Variants in KCNG4 observed in about 807,000 individuals in gnomAD.
KCNG4 encodes voltage-gated potassium channel regulatory subunit KCNG4.
Under a neutral mutation model 28.2 loss-of-function variants are expected in KCNG4, and 30 were observed. The ratio of observed to expected loss-of-function variants is 1.06; its 90% confidence interval spans 0.80 to 1.44. KCNG4 has a LOEUF of 1.44. Ranked by LOEUF, KCNG4 falls within the 40% of genes most tolerant of loss-of-function variation. KCNG4 has a pLI of 0.00. For synonymous variants in KCNG4, 375 were observed against 315.5 expected (o/e 1.19, Z -2.00); for missense variants, 879 against 712.3 (o/e 1.23, Z -2.66).
rs147792907 is a variant in KCNG4 at position 84,226,249 on chromosome 16, G to C, written c.757-3229C>G. The stretch of plus-strand genomic sequence containing the variant: ...CGATGAATCCCACAGGCATGATGTG[G>C]AGCAAAGCAAGCCGGGTGTGTGTTT... On this transcript the variant is annotated intron_variant, in intron 2 of 2. Coordinates refer to ENST00000308251, the MANE Select transcript of KCNG4 (RefSeq NM_172347.3). This position sits in a 1 kb window ranked among gnomAD's most constrained non-coding sequence, Gnocchi z 4.1. Among the ~76,000 whole-genome samples the C allele has an allele frequency of 6.6e-6, 1 of 152,206 alleles. No individual in the cohort carries two copies. Among genetic ancestry groups the C allele is most frequent in the Non-Finnish European group, 1.5e-5 (1 of 68,046 alleles).
chr16:84,234,642 G>A (rs12931730), intron 2 of KCNG4, among the ~76,000 whole-genome samples: 29,446 of 152,086 alleles, frequency 0.19, 3,050 homozygotes, highest in East Asian at 0.35. Flanking sequence ...ATAGCCCTGG[G>A]ATCTGTTCCC....
chr16:84,239,592 G>T (rs1372409137), intron 1 of KCNG4, 78 bp downstream of exon 1: 2 of 152,236 alleles, frequency 1.3e-5, no homozygotes, highest in East Asian at 3.9e-4. Flanking sequence ...TGCCAAGGAT[G>T]TCTAACAGCG....
At chr16:84,236,082 C>G (rs1904940684) in intron 2 of KCNG4, 1 of 152,242 alleles carries the variant, frequency 6.6e-6, no homozygotes, top group Non-Finnish European at 1.5e-5. Context: ...AGTTTCCCAT[C>G]CAGTGAGACT....
chr16:84,231,446 G>A (rs1904826584), intron 2 of KCNG4, among the ~76,000 whole-genome samples: 1 of 152,212 alleles, frequency 6.6e-6, no homozygotes, highest in Non-Finnish European at 1.5e-5. Context: ...GGGAGGGAAA[G>A]GCAGAGCTGC....
intron 2 of KCNG4, among the ~76,000 whole-genome samples, chr16:84,234,038 C>A (rs1017417694): frequency 2.0e-5 from 3 of 152,202 alleles, no homozygotes; most frequent in Admixed American, 6.5e-5. Context: ...ACGAGCGGCA[C>A]TTAGGAGGCA....
At position 84,219,023 on chromosome 16, in the gene KCNG4, T is replaced by G. The variant is rs1011947397; in HGVS notation, c.*3194A>C. ...TGGGGGCTGATGTGGGTCCCAGACC[T>G]TCCAGTGGCTGTTTAGGCTTTGTCT... On this transcript the variant is annotated 3_prime_UTR_variant, in exon 3 of 3. Transcript: ENST00000308251. 1 of 152,306 alleles carries G rather than the reference T, an allele frequency of 6.6e-6. No individual in the cohort carries two copies. Among genetic ancestry groups the G allele is most frequent in the African/African-American group, 2.4e-5 (1 of 41,480 alleles). 9.4% of individuals were successfully genotyped at this position (152,306 alleles called of 1,614,324 possible).
chr16:84,226,476 G>A lies in KCNG4; in HGVS notation c.757-3456C>T, dbSNP rs1904700708. On this transcript the variant is annotated intron_variant, in intron 2 of 2. Coordinates refer to ENST00000308251, the MANE Select transcript of KCNG4 (RefSeq NM_172347.3). The surrounding 1 kb of genome is among the most constrained non-coding windows in gnomAD (Gnocchi z 4.1). ...ATTAAATTCTACACCTAGGATTTGT[G>A]CATTTCAGTGTATGTACATTTCACC... Among the ~76,000 whole-genome samples the A allele has an allele frequency of 6.6e-6, 1 of 152,160 alleles. No homozygotes were observed. The highest frequency in any genetic ancestry group is 1.5e-5 in the Non-Finnish European group (1 of 68,024).
chr16:84,221,134 G>C lies in KCNG4; in HGVS notation c.*1083C>G, dbSNP rs1904546430. 1 of 152,240 alleles carries C rather than the reference G, an allele frequency of 6.6e-6. No individual in the cohort carries two copies. The highest frequency in any genetic ancestry group is 2.1e-4 in the South Asian group (1 of 4,824). The allele number at this position is 152,240 out of a possible 1,614,324, so 9.4% of individuals were successfully genotyped here. A position where few individuals can be genotyped will look rare whatever the true frequency, so the allele number is the denominator to read the frequency against. ...CCCCTGGATGCAAAGGACAGACTCT[G>C]TTCACAGATGAATGCAGAAATGAAT... is the stretch of plus-strand genomic sequence containing the variant. On this transcript the variant is annotated 3_prime_UTR_variant, in exon 3 of 3. Transcript: ENST00000308251.
At chr16:84,223,161 T>A (rs77053792) in intron 2 of KCNG4, 141 bp from the exon 3 acceptor site, 32,710 of 702,574 alleles carry the variant, frequency 0.047, 1,003 homozygotes, top group Non-Finnish European at 0.058. Context: ...AGTTTTCCAG[T>A]TGTGGCTGGG....
intron 2 of KCNG4, among the ~76,000 whole-genome samples, chr16:84,232,979 C>T (rs1051212176): frequency 2.0e-5 from 3 of 151,768 alleles, no homozygotes; most frequent in Non-Finnish European, 2.9e-5. Context: ...CTCTCCAGCA[C>T]CCAGAAGAAT....
At chr16:84,233,241 T>C (rs1159028899) in intron 2 of KCNG4, among the ~76,000 whole-genome samples, 3 of 152,168 alleles carry the variant, frequency 2.0e-5, no homozygotes, top group African/African-American at 7.2e-5. Flanking sequence ...TAAGTGACTT[T>C]CCCAAGATCA....
chr16:84,236,862 G>T lies in KCNG4; in HGVS notation c.624C>A (p.Arg208=), dbSNP rs750721607. The change falls in exon 2 of 3, where the codon CGC becomes CGA. Residue 208 remains arginine, a synonymous_variant. Transcript: ENST00000308251. ...SRWGLCMNRL[R]EMVENPQSGL... is the part of the protein sequence containing the mutation. ...CGGACTGCGGGTTTTCCACCATCTC[G>T]CGCAGCCGGTTCATGCACAGGCCCC... 2 of 1,613,472 alleles carry T rather than the reference G, an allele frequency of 1.2e-6. No homozygotes were observed. Among genetic ancestry groups the T allele is most frequent in the Non-Finnish European group, 1.7e-6 (2 of 1,180,010 alleles).
chr16:84,222,078 T>C lies in KCNG4; in HGVS notation c.*139A>G. ...AAGGATCACAGACACACAGCCTCTG[T>C]GGCCTTATGCCCCTCCAGCTTTGAA... On this transcript the variant is annotated 3_prime_UTR_variant, in exon 3 of 3. Transcript: ENST00000308251. 3 of 921,358 alleles carry C rather than the reference T, an allele frequency of 3.3e-6. No homozygotes were observed. The highest frequency in any genetic ancestry group is 3.1e-5 in the South Asian group (2 of 63,896). The allele number at this position is 921,358 out of a possible 1,614,324, so 57.1% of individuals were successfully genotyped here.
At position 84,221,163 on chromosome 16, in the gene KCNG4, T is replaced by G. The variant is rs1193744394; in HGVS notation, c.*1054A>C. ...ACAGATGAATGCAGAAATGAATACA[T>G]TGAAATGTGAGCTAAGAATGTCTAT... On this transcript the variant is annotated 3_prime_UTR_variant, in exon 3 of 3. Coordinates refer to ENST00000308251, the MANE Select transcript of KCNG4 (RefSeq NM_172347.3). The G allele has an allele frequency of 6.6e-6, 1 of 152,160 alleles. No individual in the cohort carries two copies. Among genetic ancestry groups the G allele is most frequent in the African/African-American group, 2.4e-5 (1 of 41,432 alleles). 9.4% of individuals were successfully genotyped at this position (152,160 alleles called of 1,614,324 possible). A position where few individuals can be genotyped will look rare whatever the true frequency, so the allele number is the denominator to read the frequency against.
chr16:84,224,117 C>G (rs1488684233), intron 2 of KCNG4, among the ~76,000 whole-genome samples: 1 of 152,152 alleles, frequency 6.6e-6, no homozygotes, highest in Non-Finnish European at 1.5e-5. Flanking sequence ...AACACAGCAT[C>G]TCAGGCCCCA....
chr16:84,237,612 C>T, intron 1 of KCNG4, 87 bp from the exon 2 acceptor site: 1 of 857,410 alleles, frequency 1.2e-6, no homozygotes, highest in Non-Finnish European at 1.6e-6. Context: ...TGCAGATGTT[C>T]TTACGTGTGC....
chr16:84,238,839 G>C (rs935505393), intron 1 of KCNG4, among the ~76,000 whole-genome samples: 2 of 152,082 alleles, frequency 1.3e-5, no homozygotes, highest in Non-Finnish European at 2.9e-5. Flanking sequence ...TTGCACTCCA[G>C]CCTGGACAAC....
At chr16:84,239,422 C>T (rs1267471594) in intron 1 of KCNG4, among the ~76,000 whole-genome samples, 1 of 152,208 alleles carries the variant, frequency 6.6e-6, no homozygotes, top group Non-Finnish European at 1.5e-5. Context: ...GAATCCAACC[C>T]AGCACTCTGT....
At chr16:84,232,970 T>A (rs1450358646) in intron 2 of KCNG4, among the ~76,000 whole-genome samples, 1 of 151,780 alleles carries the variant, frequency 6.6e-6, no homozygotes, top group Non-Finnish European at 1.5e-5. Flanking sequence ...ATTTGTCTTC[T>A]CTCCAGCACC....
Sources: allele counts gnomAD v4.1 joint callset (sites outside exome capture counted in the v4.1 genomes callset), GRCh38; gene constraint gnomAD v4.1.1; non-coding constraint Gnocchi (gnomAD v3.1); transcripts MANE v1.5; gene names NCBI Gene and HGNC (gene_info 2026-07-23, HGNC 2026-07-21).